Variants in SHANK2 observed in about 807,000 individuals in gnomAD.
The protein encoded by SHANK2 is SH3 and multiple ankyrin repeat domains protein 2.
In SHANK2, 43 loss-of-function variants were observed where a neutral mutation model predicts 133.7. That is an observed-to-expected ratio of 0.32 (90% confidence interval 0.25 to 0.41). SHANK2 has a LOEUF of 0.41. Ranked by LOEUF, SHANK2 falls within the 10% of genes least tolerant of loss-of-function variation. SHANK2 has a pLI of 1.00. For missense variants in SHANK2, 1,994 were observed against 2,235.8 expected (o/e 0.89, Z 2.18); for synonymous variants, 1,017 against 952.8 (o/e 1.07, Z -1.24).
At chr11:70,624,541 A>AG (rs1330935792) in intron 17 of SHANK2, among the ~76,000 whole-genome samples, 1 of 152,008 alleles carries the variant, frequency 6.6e-6, no homozygotes, top group African/African-American at 2.4e-5. Flanking sequence ...TCAAAAAAAA[A>AG]AAAAAGAAAA....
Position 70,807,117 on chromosome 11 carries a change from C to T in SHANK2, c.1548G>A (p.Pro516=), listed in dbSNP as rs781789118. Residue 516 remains proline, a synonymous_variant, in exon 13 of 26, where the codon CCG becomes CCA. Transcript: ENST00000601538. This position sits in a 1 kb window ranked among gnomAD's most constrained non-coding sequence, Gnocchi z 4.8. ...NKDSLSAFEY[P]GPKRKLYSAV... ...CACTGTAGAGCTTCCGCTTGGGCCC[C>T]GGGTACTCGAAGGCCGAGAGTGAGT... is the stretch of plus-strand genomic sequence containing the variant. 6 of 717,902 alleles carry T rather than the reference C, an allele frequency of 8.4e-6. No individual in the cohort carries two copies. The highest frequency in any genetic ancestry group is 2.7e-5 in the East Asian group (1 of 37,268). The allele number at this position is 717,902 out of a possible 1,614,324, so 44.5% of individuals were successfully genotyped here.
chr11:70,919,113 G>A lies in SHANK2; in HGVS notation c.1108-22546C>T, dbSNP rs7110175. ...CAGGAGATCGAGGCTGCAGTGAGCC[G>A]TGATCACCCCACTATACTCCAGCCC... On this transcript the variant is annotated intron_variant, in intron 10 of 25. Coordinates refer to ENST00000601538, the MANE Select transcript of SHANK2 (RefSeq NM_012309.5). Among the ~76,000 whole-genome samples, 582 of 152,164 alleles carry A rather than the reference G, an allele frequency of 3.8e-3. 4 individuals are homozygous for A. Among genetic ancestry groups the A allele is most frequent in the African/African-American group, 0.013 (539 of 41,516 alleles).
intron 8 of SHANK2, among the ~76,000 whole-genome samples, chr11:71,086,066 AT>A (rs1951401660): frequency 1.2e-4 from 8 of 64,882 alleles, no homozygotes; most frequent in African/African-American, 5.1e-4. Flanking sequence ...AATATATTAT[AT>A]AATATATTAT....
intron 10 of SHANK2, among the ~76,000 whole-genome samples, chr11:70,919,096 C>A (rs1356152251): frequency 6.6e-6 from 1 of 151,980 alleles, no homozygotes; most frequent in Admixed American, 6.6e-5. Flanking sequence ...CCCAGGAGAT[C>A]GAGGCTGCAG....
chr11:70,636,937 G>A (rs1195426157), intron 17 of SHANK2, among the ~76,000 whole-genome samples: 1 of 152,196 alleles, frequency 6.6e-6, no homozygotes, highest in Middle Eastern at 3.4e-3. Context: ...GGGTTGTCAC[G>A]ACAAATCACC....
At chr11:70,872,909 C>T (rs1555070460) in intron 11 of SHANK2, 2 of 436,446 alleles carry the variant, frequency 4.6e-6, no homozygotes, top group Admixed American at 4.9e-5. Flanking sequence ...CTCCTCGGGG[C>T]AGGAGGAGCA....
intron 3 of SHANK2, among the ~76,000 whole-genome samples, chr11:71,146,668 G>A (rs1590956700): frequency 6.6e-6 from 1 of 152,190 alleles, no homozygotes; most frequent in South Asian, 2.1e-4. Context: ...GGAAGTGGGG[G>A]AGCATGGGAT....
At chr11:70,635,713 G>T (rs926248423) in intron 17 of SHANK2, among the ~76,000 whole-genome samples, 1 of 151,914 alleles carries the variant, frequency 6.6e-6, no homozygotes, top group East Asian at 1.9e-4. Flanking sequence ...TTTACGGTAT[G>T]TGCACTGTAC....
Position 70,487,391 on chromosome 11 carries a change from T to A in SHANK2, c.2902A>T (p.Ser968Cys). The A allele has an allele frequency of 6.2e-7, 1 of 1,614,146 alleles. No individual in the cohort carries two copies. The highest frequency in any genetic ancestry group is 1.3e-5 in the African/African-American group (1 of 75,032). Reference protein sequence around the residue: ...RYSLDSEDLYSRNAGPQANFR... With the variant: ...RYSLDSEDLYCRNAGPQANFR... ...TTGGCTTGCGGGCCGGCATTCCGAC[T>A]GTAGAGGTCTTCAGAGTCCAAGGAG... Residue 968 changes from serine (S) to cysteine (C), a missense_variant, in exon 25 of 26, where the codon AGT (serine) becomes TGT (cysteine). This residue lies in a region of SHANK2 where 488 missense variants were observed against 642.6 expected (regional missense o/e 0.76). Coordinates refer to ENST00000601538, the MANE Select transcript of SHANK2 (RefSeq NM_012309.5). The surrounding 1 kb of genome is among the most constrained non-coding windows in gnomAD (Gnocchi z 5.8).
At chr11:70,789,085 A>C (rs1389609357) in intron 14 of SHANK2, among the ~76,000 whole-genome samples, 1 of 152,184 alleles carries the variant, frequency 6.6e-6, no homozygotes, top group Non-Finnish European at 1.5e-5. Flanking sequence ...AGTGGCTGGA[A>C]AGGAGAGTCC....
intron 14 of SHANK2, among the ~76,000 whole-genome samples, chr11:70,724,436 A>G (rs1591788900): frequency 1.3e-5 from 2 of 152,290 alleles, no homozygotes; most frequent in South Asian, 2.1e-4. Context: ...GCCTGTGGCC[A>G]TAGGTGTAAA....
At chr11:71,155,338 C>T (rs573695345) in intron 2 of SHANK2, among the ~76,000 whole-genome samples, 1 of 127,972 alleles carries the variant, frequency 7.8e-6, no homozygotes, top group Non-Finnish European at 1.6e-5. Context: ...CCCCAGCCCA[C>T]GCTCCCAGAG....
At chr11:70,930,398 A>G (rs552793621) in intron 10 of SHANK2, among the ~76,000 whole-genome samples, 1 of 152,346 alleles carries the variant, frequency 6.6e-6, no homozygotes, top group South Asian at 2.1e-4. Flanking sequence ...GATGGCTTGA[A>G]GCCACTGGGA....
At chr11:70,679,782 C>G (rs565312057) in intron 15 of SHANK2, among the ~76,000 whole-genome samples, 16 of 152,372 alleles carry the variant, frequency 1.1e-4, no homozygotes, top group Non-Finnish European at 1.9e-4. Context: ...GCTGCCACAC[C>G]CCAGCCAGGC....
intron 14 of SHANK2, among the ~76,000 whole-genome samples, chr11:70,764,885 C>T (rs1032425234): frequency 2.0e-5 from 3 of 152,130 alleles, no homozygotes; most frequent in Admixed American, 1.3e-4. Flanking sequence ...TTATTAGCAC[C>T]TGTTTTATGC....
chr11:70,710,421 C>T (rs1555025845), intron 14 of SHANK2, among the ~76,000 whole-genome samples: 2 of 152,192 alleles, frequency 1.3e-5, no homozygotes, highest in African/African-American at 2.4e-5. Flanking sequence ...CCAAGGAGGG[C>T]TGCAGACACC....
rs1226166567 is a variant in SHANK2, at chr11:70,496,865, G to A, written c.2308+3705C>T. On this transcript the variant is annotated intron_variant, in intron 21 of 25. Transcript: ENST00000601538. ...TCGTCCAGGAGAACCACGAGGCGGG[G>A]GTGGGGGCACCCTACCCATCATCAC... 30 of 427,500 alleles carry A rather than the reference G, an allele frequency of 7.0e-5. No individual in the cohort carries two copies. The Admixed American group carries it at 7.5e-4, about 11-fold the overall frequency. The allele number at this position is 427,500 out of a possible 1,614,324, so 26.5% of individuals were successfully genotyped here. A position where few individuals can be genotyped will look rare whatever the true frequency, so the allele number is the denominator to read the frequency against.
At chr11:71,078,068 C>T (rs1951244888) in intron 8 of SHANK2, among the ~76,000 whole-genome samples, 1 of 151,812 alleles carries the variant, frequency 6.6e-6, no homozygotes, top group African/African-American at 2.4e-5. Context: ...TACCACTCCA[C>T]ACTAAAAAGA....
chr11:71,223,525 C>G (rs564378647), intron 2 of SHANK2, among the ~76,000 whole-genome samples: 1 of 152,264 alleles, frequency 6.6e-6, no homozygotes, highest in East Asian at 1.9e-4. Flanking sequence ...CATACACAAT[C>G]TGGAGATGTT....
Sources: allele counts gnomAD v4.1 joint callset (sites outside exome capture counted in the v4.1 genomes callset), GRCh38; gene constraint gnomAD v4.1.1; regional missense constraint gnomAD v4.1.1; non-coding constraint Gnocchi (gnomAD v3.1); transcripts MANE v1.5; gene names NCBI Gene and HGNC (gene_info 2026-07-23, HGNC 2026-07-21).